Variants in GALNT14 observed in about 807,000 individuals in gnomAD.
The protein encoded by GALNT14 is UDP-GalNAc:polypeptide N-acetylgalactosaminyltransferase 14.
Under a neutral mutation model 77.5 loss-of-function variants are expected in GALNT14, and 60 were observed. The ratio of observed to expected loss-of-function variants is 0.77; its 90% confidence interval spans 0.63 to 0.96. The LOEUF (loss-of-function observed/expected upper bound fraction) is 0.96. Ranked by LOEUF, GALNT14 falls within the 40% of genes least tolerant of loss-of-function variation. GALNT14 has a pLI of 0.00. For missense variants in GALNT14, 710 were observed against 731.0 expected (o/e 0.97, Z 0.33); for synonymous variants, 280 against 281.7 (o/e 0.99, Z 0.06).
intron 1 of GALNT14, among the ~76,000 whole-genome samples, chr2:31,021,957 G>C (rs1002299865): frequency 5.9e-5 from 9 of 152,194 alleles, no homozygotes; most frequent in African/African-American, 2.2e-4. Context: ...ACCCTGTAGG[G>C]ATGTTGTCAT....
chr2:30,933,353 A>G (rs898482260), intron 9 of GALNT14, among the ~76,000 whole-genome samples: 22 of 152,158 alleles, frequency 1.4e-4, no homozygotes, highest in African/African-American at 4.8e-4. Flanking sequence ...GTGGCTGCCC[A>G]TGTGAGGAGC....
chr2:30,948,384 T>C (rs549755153), intron 6 of GALNT14, among the ~76,000 whole-genome samples: 2 of 152,358 alleles, frequency 1.3e-5, no homozygotes, highest in East Asian at 1.9e-4. Context: ...CCTGGGGCTG[T>C]GGGCTACACC....
intron 1 of GALNT14, among the ~76,000 whole-genome samples, chr2:30,998,500 C>G (rs1266651241): frequency 6.6e-6 from 1 of 152,172 alleles, no homozygotes; most frequent in Non-Finnish European, 1.5e-5. Flanking sequence ...ATGAGAAACT[C>G]TTTATCCCTT....
At chr2:31,136,555 T>C (rs1321386448) in intron 1 of GALNT14, among the ~76,000 whole-genome samples, 1 of 152,178 alleles carries the variant, frequency 6.6e-6, no homozygotes. Flanking sequence ...GAGTAAATTC[T>C]ATCTCTCTCT....
intron 13 of GALNT14, among the ~76,000 whole-genome samples, chr2:30,913,498 T>A (rs1318472978): frequency 1.3e-5 from 2 of 152,174 alleles, no homozygotes; most frequent in East Asian, 3.9e-4. Context: ...TCTTCCCTCC[T>A]GGTCCCTGGT....
intron 1 of GALNT14, among the ~76,000 whole-genome samples, chr2:31,008,888 C>G (rs577163185): frequency 6.6e-6 from 1 of 152,096 alleles, no homozygotes; most frequent in South Asian, 2.1e-4. Context: ...CACGGGTGGC[C>G]GGGGACCATG....
Position 30,917,076 on chromosome 2 carries a change from C to CAAAAAAAAAAAAA in GALNT14, c.1381-4747_1381-4735dup, listed in dbSNP as rs529653696. Among the ~76,000 whole-genome samples the CAAAAAAAAAAAAA allele has an allele frequency of 9.7e-3, 194 of 19,906 alleles. 35 individuals carry two copies. Among genetic ancestry groups the CAAAAAAAAAAAAA allele is most frequent in the Non-Finnish European group, 0.015 (157 of 10,812 alleles). The allele number at this position is 19,906 out of a possible 152,430, so 13.1% of individuals were successfully genotyped here. On this transcript the variant is annotated intron_variant, in intron 13 of 14. Transcript: ENST00000349752. Reference sequence around the variant, plus strand: ...TGGGCAAAAGAGTAAGACTCCGTCTCAAAAAAAAAAAAAAAAAAAAAAAAA... The same window carrying CAAAAAAAAAAAAA: ...TGGGCAAAAGAGTAAGACTCCGTCTCAAAAAAAAAAAAAAAAAAAAAAAAAAAAAAAAAAAAAA...
chr2:31,002,644 C>G (rs1056922500), intron 1 of GALNT14, among the ~76,000 whole-genome samples: 2 of 152,184 alleles, frequency 1.3e-5, no homozygotes, highest in African/African-American at 4.8e-5. Context: ...AAGGGCCAGC[C>G]AAGAGAGGGA....
rs542778807 is a variant in GALNT14, at chr2:31,025,444, G to A, written c.130-32437C>T. ...GCATAGGGAGATGGATGGGGAGAGA[G>A]CACAAGTGACAAGCTAAGGAGGCCA... On this transcript the variant is annotated intron_variant, in intron 1 of 14. Transcript: ENST00000349752. 9.8e-4 allele frequency among the ~76,000 whole-genome samples: 150 copies of A among 152,298 alleles called. 3 individuals carry two copies. In the South Asian group the frequency reaches 0.021, roughly 21 times the overall value.
chr2:30,992,977 C>A lies in GALNT14; in HGVS notation c.160G>T (p.Asp54Tyr), dbSNP rs1402440816. Residue 54 changes from aspartate (D) to tyrosine (Y), a missense_variant, in exon 2 of 15, where the codon GAC becomes TAC. By Grantham distance (160) the Asp-to-Tyr change is radical. Transcript: ENST00000349752. ...AGATACCGCCGCTCATCAAACTGGTCCCACAGGTCGTCCCAGTCAGCGTCC... is the reference window on the plus strand; with the variant it reads ...AGATACCGCCGCTCATCAAACTGGTACCACAGGTCGTCCCAGTCAGCGTCC... ...PSDADWDDLW[D>Y]QFDERRYLNA... 5 of 1,614,142 alleles carry A rather than the reference C, an allele frequency of 3.1e-6. No homozygotes were observed.
At chr2:31,124,235 G>A (rs1026607598) in intron 1 of GALNT14, among the ~76,000 whole-genome samples, 1 of 152,204 alleles carries the variant, frequency 6.6e-6, no homozygotes, top group African/African-American at 2.4e-5. Context: ...AACTGCCCCA[G>A]TGGCACTCCT....
intron 1 of GALNT14, among the ~76,000 whole-genome samples, chr2:31,018,847 C>A (rs965693437): frequency 2.0e-5 from 3 of 152,096 alleles, no homozygotes; most frequent in Non-Finnish European, 2.9e-5. Flanking sequence ...GCAGGCTCAG[C>A]AGCTGTGTGG....
intron 1 of GALNT14, among the ~76,000 whole-genome samples, chr2:30,996,526 G>A (rs569112046): frequency 1.3e-5 from 2 of 152,318 alleles, no homozygotes; most frequent in African/African-American, 4.8e-5. Context: ...CACCAGAGAG[G>A]GTGGGCACAA....
intron 4 of GALNT14, among the ~76,000 whole-genome samples, chr2:30,957,799 A>G (rs530111704): frequency 1.2e-4 from 19 of 152,270 alleles, no homozygotes; most frequent in African/African-American, 4.6e-4. Context: ...CTGCTTGGTT[A>G]TGATTGACTG....
At chr2:31,077,408 C>G (rs1295181089) in intron 1 of GALNT14, among the ~76,000 whole-genome samples, 2 of 152,208 alleles carry the variant, frequency 1.3e-5, no homozygotes, top group Non-Finnish European at 2.9e-5. Context: ...TTCTTTCTCT[C>G]CATTTTAACA....
In GALNT14 at chr2:30,932,136, T is replaced by C; in HGVS notation, c.990A>G (p.Arg330=). 1 of 1,572,982 alleles carries C rather than the reference T, an allele frequency of 6.4e-7. No individual in the cohort carries two copies. Among genetic ancestry groups the C allele is most frequent in the Non-Finnish European group, 8.6e-7 (1 of 1,159,214 alleles). ...GGSLEIVPCS[R]VGHVFRKKHP... ...GCTTCTTCCGGAAGACGTGCCCCAC[T>C]CGGCTGCAGGGGACGATCTCTAGGC... is the stretch of plus-strand genomic sequence containing the variant. The change falls in exon 10 of 15, where the codon CGA becomes CGG. Residue 330 remains arginine (R), a synonymous_variant. Transcript: ENST00000349752.
At chr2:31,113,219 G>A (rs1455153485) in intron 1 of GALNT14, among the ~76,000 whole-genome samples, 1 of 152,232 alleles carries the variant, frequency 6.6e-6, no homozygotes, top group Non-Finnish European at 1.5e-5. Flanking sequence ...CCTGCTGATA[G>A]CTAGTGGTGT....
chr2:31,057,177 G>A (rs969404589), intron 1 of GALNT14, among the ~76,000 whole-genome samples: 4 of 151,092 alleles, frequency 2.6e-5, no homozygotes, highest in Admixed American at 6.6e-5. Flanking sequence ...CTAACTATTC[G>A]GTACTATGCT....
At chr2:30,933,431 C>A (rs1434509414) in intron 9 of GALNT14, among the ~76,000 whole-genome samples, 1 of 152,154 alleles carries the variant, frequency 6.6e-6, no homozygotes, top group Non-Finnish European at 1.5e-5. Context: ...GCCTTCGTAT[C>A]ACATGTGTGT....
Sources: allele counts gnomAD v4.1 joint callset (sites outside exome capture counted in the v4.1 genomes callset), GRCh38; gene constraint gnomAD v4.1.1; transcripts MANE v1.5; gene names NCBI Gene and HGNC (gene_info 2026-07-23, HGNC 2026-07-21).